Variants in C4orf51 observed in about 807,000 individuals in gnomAD.
C4orf51 encodes chromosome 4 open reading frame 51.
In C4orf51, 25 loss-of-function variants were observed where a neutral mutation model predicts 25.2. The observed-to-expected ratio is 0.99, with a 90% CI of 0.72 to 1.39. The LOEUF (loss-of-function observed/expected upper bound fraction) is 1.39. Among genes scored for constraint, C4orf51 ranks in the 40% most tolerant of loss-of-function variants. The probability of loss-of-function intolerance (pLI) is 0.00; values close to 1 mark genes in which losing one functional copy is unlikely to be tolerated. For missense variants in C4orf51, 252 were observed against 239.6 expected (o/e 1.05, Z -0.34); for synonymous variants, 100 against 84.5 (o/e 1.18, Z -1.01).
At chr4:145,775,439 T>A (rs551891477), downstream of C4orf51, among the ~76,000 whole-genome samples, 3 of 151,778 alleles carry the variant, frequency 2.0e-5, no homozygotes, top group South Asian at 2.1e-4. Context: ...TTTTTTTTTT[T>A]AAACAATTCT....
chr4:145,747,728 CTCTT>C (rs1315984076), intron 1 of C4orf51, among the ~76,000 whole-genome samples: 11 of 128,546 alleles, frequency 8.6e-5, no homozygotes, highest in African/African-American at 2.3e-4. Context: ...CTTCCTCTCT[CTCTT>C]TCTCTTTTTC....
intron 2 of C4orf51, among the ~76,000 whole-genome samples, chr4:145,708,400 G>A (rs1297926761): frequency 6.6e-6 from 1 of 152,180 alleles, no homozygotes; most frequent in Admixed American, 6.5e-5. Context: ...ACATCCAAGG[G>A]GCATGTCCTG....
chr4:145,785,382 C>T, the C4orf51 span, among the ~76,000 whole-genome samples: 1 of 152,126 alleles, frequency 6.6e-6, no homozygotes, highest in Non-Finnish European at 1.5e-5. Flanking sequence ...TTAATTAAAC[C>T]CATTCGGTAG....
At chr4:145,742,308 A>G (rs918514608) in intron 1 of C4orf51, among the ~76,000 whole-genome samples, 1 of 149,770 alleles carries the variant, frequency 6.7e-6, no homozygotes, top group Non-Finnish European at 1.5e-5. Flanking sequence ...TGTGTTGACA[A>G]CTCCTCCTCT....
chr4:145,754,576 T>C (rs149750911), downstream of C4orf51, among the ~76,000 whole-genome samples: 273 of 152,312 alleles, frequency 1.8e-3, no homozygotes, highest in African/African-American at 6.3e-3. Flanking sequence ...CAGTAAAATA[T>C]GTTTAAGCCA....
intron 1 of C4orf51, 148 bp downstream of exon 1, chr4:145,680,584 C>T: frequency 1.6e-6 from 1 of 630,302 alleles, no homozygotes; most frequent in Non-Finnish European, 2.7e-6. Flanking sequence ...GGAAGAAGAG[C>T]TAAATGTCAG....
chr4:145,763,001 C>G lies in C4orf51; in HGVS notation n.167-7987C>G. 1 of 1,297,864 alleles carries G rather than the reference C, an allele frequency of 7.7e-7. No individual in the cohort carries two copies. Among genetic ancestry groups the G allele is most frequent in the Non-Finnish European group, 1.1e-6 (1 of 947,686 alleles). The allele number at this position is 1,297,864 out of a possible 1,614,324, so 80.4% of individuals were successfully genotyped here. ...AAGCTCGCCGTTAGCCTTTGAACCT[C>G]AGCTCACAGAAGAGTGCACACGAGA... On this transcript the variant is annotated intron_variant and non_coding_transcript_variant, in intron 1 of 1. Coordinates refer to the C4orf51 transcript ENST00000510096. The surrounding 1 kb of genome is among the most constrained non-coding windows in gnomAD (Gnocchi z 4.6).
intron 5 of C4orf51, among the ~76,000 whole-genome samples, 170 bp from the exon 6 acceptor site, chr4:145,732,283 A>G (rs919016390): frequency 3.3e-5 from 5 of 152,322 alleles, no homozygotes; most frequent in African/African-American, 1.2e-4. Flanking sequence ...TAACAGAGAC[A>G]CAATATATTA....
chr4:145,752,060 G>C (rs1194950831), intron 1 of C4orf51, among the ~76,000 whole-genome samples: 2 of 152,138 alleles, frequency 1.3e-5, no homozygotes, highest in Non-Finnish European at 2.9e-5. Context: ...GCTCCCCTTT[G>C]GCCCAGGGCA....
At chr4:145,769,873 A>C (rs1284197170) in intron 1 of C4orf51, among the ~76,000 whole-genome samples, 2 of 152,350 alleles carry the variant, frequency 1.3e-5, no homozygotes, top group African/African-American at 4.8e-5. Context: ...TAGGAAATTG[A>C]AACCATAAAA....
chr4:145,757,448 T>G (rs543874960), downstream of C4orf51, among the ~76,000 whole-genome samples: 4 of 152,188 alleles, frequency 2.6e-5, no homozygotes, highest in Non-Finnish European at 5.9e-5. Context: ...TAATAACAGT[T>G]TGCATTATAA....
chr4:145,752,956 T>C (rs1054566334), intron 1 of C4orf51, among the ~76,000 whole-genome samples: 1 of 149,210 alleles, frequency 6.7e-6, no homozygotes, highest in African/African-American at 2.6e-5. Flanking sequence ...CCACAATCGC[T>C]GTGCTCTCAC....
In C4orf51 at chr4:145,725,198, A is replaced by T. The variant is rs74491691; in HGVS notation, c.308-1713A>T. On this transcript the variant is annotated intron_variant, in intron 2 of 5. Transcript: ENST00000438731. ...ACCTATTGAAATAAAAAAATTAGAA[A>T]TTTTTAAAAAAATAAATAAATAGAA... Among the ~76,000 whole-genome samples the T allele has an allele frequency of 8.2e-4, 125 of 152,102 alleles. No individual in the cohort carries two copies. In the East Asian group the frequency reaches 0.023, roughly 28 times the overall value.
downstream of C4orf51, among the ~76,000 whole-genome samples, chr4:145,735,565 T>C (rs1260149825): frequency 6.6e-6 from 1 of 152,148 alleles, no homozygotes; most frequent in Non-Finnish European, 1.5e-5. Flanking sequence ...ATGGGACTGA[T>C]AGGGCTTCTT....
At chr4:145,768,356 G>T (rs1376937205) in intron 1 of C4orf51, among the ~76,000 whole-genome samples, 1 of 152,028 alleles carries the variant, frequency 6.6e-6, no homozygotes, top group African/African-American at 2.4e-5. Context: ...GAAGAGACAG[G>T]GTTTCACCAT....
chr4:145,687,003 G>GTA (rs1729195606), intron 1 of C4orf51, among the ~76,000 whole-genome samples: 1 of 78,596 alleles, frequency 1.3e-5, no homozygotes, highest in South Asian at 4.7e-4. Context: ...TGGATCTTGT[G>GTA]GGGGGGGCGG....
rs150798873 is a variant in C4orf51 at position 145,759,980 on chromosome 4, C to G, written n.167-11008C>G. The stretch of plus-strand genomic sequence containing the variant: ...ATTTGTCTACGTGTGGGCACACACA[C>G]AAAACACACTTAAGTTCTGTGATGT... On this transcript the variant is annotated intron_variant and non_coding_transcript_variant, in intron 1 of 1. Transcript: ENST00000510096. The G allele has an allele frequency of 2.6e-4, 39 of 151,704 alleles. No individual in the cohort carries two copies. The East Asian group carries it at 7.1e-3, about 28-fold the overall frequency. The allele number at this position is 151,704 out of a possible 1,614,324, so 9.4% of individuals were successfully genotyped here. A position where few individuals can be genotyped will look rare whatever the true frequency, so the allele number is the denominator to read the frequency against.
intron 1 of C4orf51, among the ~76,000 whole-genome samples, chr4:145,687,169 G>C (rs970687805): frequency 1.3e-5 from 2 of 152,094 alleles, no homozygotes; most frequent in African/African-American, 4.8e-5. Flanking sequence ...ATATCTGATT[G>C]CCTCCTTTGG....
At chr4:145,781,778 C>G in the C4orf51 span, among the ~76,000 whole-genome samples, 1 of 152,126 alleles carries the variant, frequency 6.6e-6, no homozygotes, top group Non-Finnish European at 1.5e-5. Context: ...ATAATCAAAA[C>G]AGTGCTTCAA....
Sources: gnomAD v4.1 joint callset for allele counts (sites outside exome capture counted in the v4.1 genomes callset) on GRCh38, gnomAD v4.1.1 for gene constraint, Gnocchi (gnomAD v3.1) non-coding constraint, MANE v1.5 for transcripts, NCBI Gene and HGNC (gene_info 2026-07-23, HGNC 2026-07-21) for gene names.